DGKK: variants seen among roughly 807,000 people sequenced by gnomAD.
The protein encoded by DGKK is diacylglycerol kinase kappa.
In DGKK, 35 loss-of-function variants were observed where a neutral mutation model predicts 92.2. The ratio of observed to expected loss-of-function variants is 0.38; its 90% CI spans 0.29 to 0.50. The LOEUF (loss-of-function observed/expected upper bound fraction) is 0.50, where lower values mean the gene tolerates loss of function less well. Among genes scored for constraint, DGKK ranks in the 20% least tolerant of loss-of-function variants. The pLI, the probability that DGKK is intolerant of heterozygous loss-of-function variation, is 0.92. For synonymous variants in DGKK, 368 were observed against 360.6 expected (o/e 1.02, Z -0.23); for missense variants, 910 against 992.2 (o/e 0.92, Z 1.11).
chrX:50,465,069 C>G (rs1447676246), intron 1 of DGKK, among the ~76,000 whole-genome samples: 9 of 111,314 alleles, frequency 8.1e-5, no homozygotes, highest in Non-Finnish European at 1.3e-4. Flanking sequence ...TTTTTGCCCC[C>G]TTAATTTTCT....
intron 26 of DGKK, 37 bp downstream of exon 26, chrX:50,371,687 T>C: frequency 9.7e-7 from 1 of 1,031,811 alleles, no homozygotes; most frequent in Non-Finnish European, 1.3e-6. Flanking sequence ...GAAGAATCCC[T>C]CTTTCCCTTT....
At chrX:50,412,923 A>G (rs1419080258) in intron 4 of DGKK, among the ~76,000 whole-genome samples, 2 of 111,504 alleles carry the variant, frequency 1.8e-5, no homozygotes, top group Non-Finnish European at 3.8e-5. Context: ...CCAGTGGACA[A>G]GTGAGCATTA....
At chrX:50,401,717 G>GA (rs1365128050) in intron 7 of DGKK, among the ~76,000 whole-genome samples, 2 of 107,842 alleles carry the variant, frequency 1.9e-5, no homozygotes, top group Non-Finnish European at 3.8e-5. Flanking sequence ...TTTCTAGGGG[G>GA]AATGAACCTG....
At chrX:50,469,608 G>C (rs1422418698) in intron 1 of DGKK, among the ~76,000 whole-genome samples, 2 of 112,762 alleles carry the variant, frequency 1.8e-5, no homozygotes, top group Non-Finnish European at 3.8e-5. Flanking sequence ...CTCTGCGGCA[G>C]TGACCGCGGC....
Position 50,381,476 on chromosome X carries a change from TA to T in DGKK, c.2657+1019del, listed in dbSNP as rs1269869249. ...GAACAAGACTCCGTCTCCAAGAAAA[TA>T]AAAAAAATAAACAAATAAATAAATT... On this transcript the variant is annotated intron_variant, in intron 18 of 27. Coordinates refer to ENST00000611977, the MANE Select transcript of DGKK (RefSeq NM_001013742.4). Among the ~76,000 whole-genome samples, 9 of 109,872 alleles carry T rather than the reference TA, an allele frequency of 8.2e-5. No homozygotes were observed. The East Asian group carries it at 8.7e-4, about 11-fold the overall frequency.
chrX:50,404,884 C>T (rs1258992945), intron 4 of DGKK, among the ~76,000 whole-genome samples: 1 of 110,971 alleles, frequency 9.0e-6, no homozygotes, highest in Non-Finnish European at 1.9e-5. Flanking sequence ...TGGAGGTATA[C>T]ACTTTCCTTC....
chrX:50,453,987 C>T (rs1191045319), intron 1 of DGKK, among the ~76,000 whole-genome samples: 1 of 80,197 alleles, frequency 1.2e-5, no homozygotes, highest in Non-Finnish European at 2.2e-5. Context: ...CTCACACCTT[C>T]AGGCTTAAAA....
chrX:50,470,159 G>A lies in DGKK; in HGVS notation c.520C>T (p.Arg174Cys), dbSNP rs782381615. 1.6e-6 allele frequency: 2 copies of A among 1,212,166 alleles called. No homozygotes were observed. Among genetic ancestry groups the A allele is most frequent in the African/African-American group, 3.4e-5 (2 of 57,997 alleles). Reference sequence around the variant, plus strand: ...AATAGACATGGTGCTGGACTTGGACGGAACTCTGGAGCCGCCTCAGGGCAG... The same window carrying A: ...AATAGACATGGTGCTGGACTTGGACAGAACTCTGGAGCCGCCTCAGGGCAG... ...EFCPEAAPEF[R>C]PSPAPCLLQC... The change falls in exon 1 of 28, where the codon CGT becomes TGT. Residue 174 changes from arginine to cysteine, a missense_variant. Arg to Cys is a radical substitution (Grantham distance 180). Coordinates refer to ENST00000611977, the MANE Select transcript of DGKK (RefSeq NM_001013742.4).
intron 1 of DGKK, among the ~76,000 whole-genome samples, chrX:50,465,559 C>T (rs1376784288): frequency 2.7e-5 from 3 of 109,949 alleles, no homozygotes; most frequent in Non-Finnish European, 3.8e-5. Flanking sequence ...AAAACACACA[C>T]GCACCAACAA....
intron 7 of DGKK, among the ~76,000 whole-genome samples, chrX:50,402,600 G>A (rs1186326530): frequency 9.0e-6 from 1 of 111,138 alleles, no homozygotes; most frequent in Non-Finnish European, 1.9e-5. Flanking sequence ...ATGAGGCCCG[G>A]TTTAGGCTTA....
intron 24 of DGKK, 67 bp from the exon 25 acceptor site, chrX:50,375,124 T>C (rs1423724250): frequency 3.5e-6 from 3 of 858,262 alleles, no homozygotes; most frequent in Non-Finnish European, 5.0e-6. Flanking sequence ...TTAGTAAGCA[T>C]GCAGCTGTCT....
At chrX:50,468,776 CAGA>C (rs782474162) in intron 1 of DGKK, among the ~76,000 whole-genome samples, 1 of 110,592 alleles carries the variant, frequency 9.0e-6, no homozygotes, top group South Asian at 4.0e-4. Flanking sequence ...CGGTCCACAG[CAGA>C]AGGGTTCCTG....
At chrX:50,404,372 T>G (rs1557227016) in intron 4 of DGKK, among the ~76,000 whole-genome samples, 188 bp from the exon 5 acceptor site, 1 of 110,542 alleles carries the variant, frequency 9.0e-6, no homozygotes, top group African/African-American at 3.3e-5. Flanking sequence ...TTGTTTGTTT[T>G]GCCAGTCGTT....
At chrX:50,463,045 G>A (rs1557233560) in intron 1 of DGKK, among the ~76,000 whole-genome samples, 3 of 106,467 alleles carry the variant, frequency 2.8e-5, no homozygotes. Flanking sequence ...TTTTGTGTGT[G>A]TGTGGTTTTT....
intron 1 of DGKK, among the ~76,000 whole-genome samples, chrX:50,445,627 T>C (rs916500615): frequency 1.9e-4 from 21 of 111,284 alleles, no homozygotes; most frequent in Non-Finnish European, 3.8e-4. Context: ...TCTATTCTGT[T>C]CCGTTGGTCT....
At chrX:50,411,443 A>G (rs1344588427) in intron 4 of DGKK, among the ~76,000 whole-genome samples, 5 of 112,473 alleles carry the variant, frequency 4.4e-5, no homozygotes, top group African/African-American at 1.6e-4. Context: ...CACCATATCA[A>G]CAAACGAAGA....
chrX:50,450,432 G>A (rs189540139), intron 1 of DGKK, among the ~76,000 whole-genome samples: 63 of 111,956 alleles, frequency 5.6e-4, no homozygotes, highest in Non-Finnish European at 7.7e-4. Flanking sequence ...ACCTTGTTCC[G>A]TTGGTGGGCT....
At chrX:50,444,328 G>C (rs1926237271) in intron 1 of DGKK, among the ~76,000 whole-genome samples, 1 of 110,902 alleles carries the variant, frequency 9.0e-6, no homozygotes, top group Non-Finnish European at 1.9e-5. Context: ...TACATGTGCA[G>C]GTTTGTTATA....
intron 1 of DGKK, among the ~76,000 whole-genome samples, chrX:50,455,614 C>T (rs892020528): frequency 3.6e-5 from 4 of 111,781 alleles, no homozygotes; most frequent in African/African-American, 1.3e-4. Flanking sequence ...AAGACACTTG[C>T]ATTCCATCCA....
Sources: allele counts gnomAD v4.1 joint callset (sites outside exome capture counted in the v4.1 genomes callset), GRCh38; gene constraint gnomAD v4.1.1; transcripts MANE v1.5; gene names NCBI Gene and HGNC (gene_info 2026-07-23, HGNC 2026-07-21).